TRIM67: variants seen among roughly 807,000 people sequenced by gnomAD.
TRIM67 encodes tripartite motif-containing protein 67.
In TRIM67, 39 loss-of-function variants were observed where a neutral mutation model predicts 71.0. That is an observed-to-expected ratio of 0.55 (90% CI 0.43 to 0.72). The LOEUF (loss-of-function observed/expected upper bound fraction) is 0.72, where lower values mean the gene tolerates loss of function less well. Ranked by LOEUF, TRIM67 falls within the 30% of genes least tolerant of loss-of-function variation. TRIM67 has a pLI of 0.00. For synonymous variants in TRIM67, 481 were observed against 473.9 expected (o/e 1.01, Z -0.19); for missense variants, 973 against 1,079.2 (o/e 0.90, Z 1.38).
At chr1:231,204,936 G>A (rs1683655392) in intron 6 of TRIM67, among the ~76,000 whole-genome samples, 1 of 152,178 alleles carries the variant, frequency 6.6e-6, no homozygotes, top group South Asian at 2.1e-4. Context: ...GGGAATTACT[G>A]AGTCCCATGT....
At chr1:231,190,694 A>C (rs1377907879) in intron 1 of TRIM67, among the ~76,000 whole-genome samples, 2 of 152,008 alleles carry the variant, frequency 1.3e-5, no homozygotes, top group Non-Finnish European at 2.9e-5. Context: ...TGCTGCATGG[A>C]GCAAAGTCTC....
In TRIM67 at chr1:231,197,449, A is replaced by G. The variant is rs374943785; in HGVS notation, c.1123A>G (p.Ile375Val). The change falls in exon 2 of 10, where the codon ATA becomes GTA. Residue 375 changes from isoleucine to valine, a missense_variant. Ile to Val is a conservative substitution (Grantham distance 29, BLOSUM62 3). This residue lies in a region of TRIM67 where 795 missense variants were observed against 831.3 expected (regional missense o/e 0.96). Coordinates refer to ENST00000366653, the MANE Select transcript of TRIM67 (RefSeq NM_001004342.5). ...AKEFLVQLKN[I>V]LQQIQENGLD... ...GGAGTTTCTGGTTCAGCTAAAGAAC[A>G]TATTGCAGCAGATCCAGGTGAGCAC... The G allele has an allele frequency of 5.1e-5, 83 of 1,614,014 alleles. No homozygotes were observed. The East Asian group carries it at 1.6e-3, about 32-fold the overall frequency.
chr1:231,186,570 G>A (rs1471814467), intron 1 of TRIM67, among the ~76,000 whole-genome samples: 1 of 152,076 alleles, frequency 6.6e-6, no homozygotes, highest in Non-Finnish European at 1.5e-5. Flanking sequence ...CAATCTTCAC[G>A]TGGTGCTTTC....
At chr1:231,181,981 C>T (rs1017328262) in intron 1 of TRIM67, among the ~76,000 whole-genome samples, 12 of 152,158 alleles carry the variant, frequency 7.9e-5, no homozygotes, top group Admixed American at 3.9e-4. Context: ...AGCATACTTC[C>T]GCAGCATGTT....
intron 8 of TRIM67, among the ~76,000 whole-genome samples, chr1:231,210,339 G>A (rs2102761923): frequency 6.6e-6 from 1 of 152,240 alleles, no homozygotes; most frequent in South Asian, 2.1e-4. Context: ...CCTTCCCGCA[G>A]AGGAAGGACC....
intron 1 of TRIM67, among the ~76,000 whole-genome samples, chr1:231,167,624 C>CT (rs74566453): frequency 0.014 from 1,444 of 102,662 alleles, 214 homozygotes; most frequent in African/African-American, 0.052. Flanking sequence ...GCCCGGCCGT[C>CT]TTTTTTTTTT....
intron 8 of TRIM67, among the ~76,000 whole-genome samples, chr1:231,211,085 C>T (rs539758753): frequency 7.3e-5 from 11 of 150,004 alleles, no homozygotes; most frequent in Non-Finnish European, 3.0e-5. Flanking sequence ...TATTAAAAAG[C>T]CTGGGCTTAG....
intron 1 of TRIM67, among the ~76,000 whole-genome samples, chr1:231,178,439 A>G (rs1682812361): frequency 6.6e-6 from 1 of 152,236 alleles, no homozygotes; most frequent in African/African-American, 2.4e-5. Context: ...GTGTTCAATA[A>G]AAGAAAGCCA....
At position 231,218,765 on chromosome 1, in the gene TRIM67, C is replaced by G; in HGVS notation, c.*3325C>G. ...GCGCCCTAGGTGCCCTATGGCCCAC[C>G]AAGTTTGAGGAGGGTGGTGCTTTCC... On this transcript the variant is annotated 3_prime_UTR_variant, in exon 10 of 10. Coordinates refer to ENST00000366653, the MANE Select transcript of TRIM67 (RefSeq NM_001004342.5). 7 of 985,394 alleles carry G rather than the reference C, an allele frequency of 7.1e-6. No homozygotes were observed. The highest frequency in any genetic ancestry group is 8.4e-6 in the Non-Finnish European group (7 of 829,938). 61.0% of individuals were successfully genotyped at this position (985,394 alleles called of 1,614,324 possible). A position where few individuals can be genotyped will look rare whatever the true frequency, so the allele number is the denominator to read the frequency against.
In TRIM67 at chr1:231,201,513, T is replaced by C. The variant is rs1683521199; in HGVS notation, c.1530T>C (p.Cys510=). The change falls in exon 5 of 10, where the codon TGT becomes TGC. Residue 510 remains cysteine (C), a synonymous_variant. Transcript: ENST00000366653. ...IHQLDFIQMK[C]RVPPVPLLQL... is the part of the protein sequence containing the mutation. ...AGCTGGACTTCATTCAGATGAAATG[T>C]AGGGGTGAGCCGCGGTTGGCCCCAG... The C allele has an allele frequency of 6.2e-7, 1 of 1,613,536 alleles. No individual in the cohort carries two copies. The highest frequency in any genetic ancestry group is 1.3e-5 in the African/African-American group (1 of 74,938).
intron 1 of TRIM67, among the ~76,000 whole-genome samples, chr1:231,188,765 G>A (rs1177619508): frequency 6.6e-6 from 1 of 152,168 alleles, no homozygotes; most frequent in African/African-American, 2.4e-5. Flanking sequence ...AATTCGGCAT[G>A]TAAAGAGCTC....
Position 231,162,713 on chromosome 1 carries a change from G to A in TRIM67, c.-257G>A, listed in dbSNP as rs573694236. ...AGCCGACCGGCTCCGGAATCTGGCC[G>A]CAGGTTGAAGCCGCTGGTGCGGGAC... On this transcript the variant is annotated 5_prime_UTR_variant, in exon 1 of 10. Transcript: ENST00000366653. 1.2e-3 allele frequency: 591 copies of A among 486,692 alleles called. 2 individuals are homozygous for A. Among genetic ancestry groups the A allele is most frequent in the Admixed American group, 2.4e-3 (62 of 25,380 alleles). 30.1% of individuals were successfully genotyped at this position (486,692 alleles called of 1,614,324 possible). A position where few individuals can be genotyped will look rare whatever the true frequency, so the allele number is the denominator to read the frequency against.
In TRIM67 at chr1:231,216,892, C is replaced by T; in HGVS notation, c.*1452C>T. 2 of 985,586 alleles carry T rather than the reference C, an allele frequency of 2.0e-6. No homozygotes were observed. Among genetic ancestry groups the T allele is most frequent in the Non-Finnish European group, 2.4e-6 (2 of 829,982 alleles). The allele number at this position is 985,586 out of a possible 1,614,324, so 61.1% of individuals were successfully genotyped here. ...CTTCCCAGTCACCTGCCACCTCCAG[C>T]TCCACCTGGTAGTAACATTTCTCTC... On this transcript the variant is annotated 3_prime_UTR_variant, in exon 10 of 10. Transcript: ENST00000366653.
At position 231,217,368 on chromosome 1, in the gene TRIM67, C is replaced by T; in HGVS notation, c.*1928C>T. The stretch of plus-strand genomic sequence containing the variant: ...CCTCCTCCCATCCCAGAGCCCTGTC[C>T]AGAGCTCTTGGTGGTGACACACAAG... On this transcript the variant is annotated 3_prime_UTR_variant, in exon 10 of 10. Transcript: ENST00000366653. The T allele has an allele frequency of 4.1e-6, 4 of 986,730 alleles. No homozygotes were observed. Among genetic ancestry groups the T allele is most frequent in the Non-Finnish European group, 4.8e-6 (4 of 830,820 alleles). 61.1% of individuals were successfully genotyped at this position (986,730 alleles called of 1,614,324 possible).
At chr1:231,215,125 C>T (rs1448621061) in intron 9 of TRIM67, among the ~76,000 whole-genome samples, 1 of 152,224 alleles carries the variant, frequency 6.6e-6, no homozygotes, top group African/African-American at 2.4e-5. Context: ...CCAGCTGTGG[C>T]AGCTCTGGCA....
At chr1:231,200,939 G>A (rs539113834) in intron 4 of TRIM67, among the ~76,000 whole-genome samples, 135 of 152,304 alleles carry the variant, frequency 8.9e-4, no homozygotes, top group African/African-American at 3.2e-3. Context: ...GGGGGCAGAT[G>A]TGGGCTTCAA....
In TRIM67 at chr1:231,209,443, G is replaced by C. The variant is rs1683805026; in HGVS notation, c.2123+193G>C. Among the ~76,000 whole-genome samples the C allele has an allele frequency of 6.6e-6, 1 of 152,212 alleles. No individual in the cohort carries two copies. Among genetic ancestry groups the C allele is most frequent in the Admixed American group, 6.5e-5 (1 of 15,290 alleles). On this transcript the variant is annotated intron_variant, in intron 8 of 9. Transcript: ENST00000366653. This position sits in a 1 kb window ranked among gnomAD's most constrained non-coding sequence, Gnocchi z 4.1. ...GAACTGGCCTGCAGCCCAGATGAGG[G>C]TATGTTATGGTGACTCTCACAGCAC...
intron 5 of TRIM67, among the ~76,000 whole-genome samples, chr1:231,202,166 A>G (rs1297892833): frequency 0.012 from 28 of 2,298 alleles, no homozygotes; most frequent in East Asian, 0.024. Flanking sequence ...AGGAGGAGGT[A>G]GTGGAGGAGG....
At chr1:231,197,686 G>A (rs374181344) in intron 2 of TRIM67, among the ~76,000 whole-genome samples, 4 of 152,150 alleles carry the variant, frequency 2.6e-5, no homozygotes, top group Admixed American at 2.0e-4. Flanking sequence ...TTAGCCGGGC[G>A]TGGTGGCGCA....
Sources: gnomAD v4.1 joint callset for allele counts (sites outside exome capture counted in the v4.1 genomes callset) on GRCh38, gnomAD v4.1.1 for gene constraint, gnomAD v4.1.1 regional missense constraint, Gnocchi (gnomAD v3.1) non-coding constraint, MANE v1.5 for transcripts, NCBI Gene and HGNC (gene_info 2026-07-23, HGNC 2026-07-21) for gene names.